PSD3: variants seen among roughly 807,000 people sequenced by gnomAD.
PSD3 encodes the protein pleckstrin and Sec7 domain containing 3, also known as PH and SEC7 domain-containing protein 3.
Under a neutral mutation model 105.5 loss-of-function variants are expected in PSD3, and 49 were observed. The ratio of observed to expected loss-of-function variants is 0.46; its 90% CI spans 0.37 to 0.59. The LOEUF (loss-of-function observed/expected upper bound fraction) is 0.59, where lower values mean the gene tolerates loss of function less well. Ranked by LOEUF, PSD3 falls within the 20% of genes least tolerant of loss-of-function variation. The pLI, the probability that PSD3 is intolerant of heterozygous loss-of-function variation, is 0.00. For synonymous variants in PSD3, 557 were observed against 457.8 expected, an observed-to-expected ratio of 1.22 and a Z score of -2.77; for missense variants, 1,561 against 1,263.8, an observed-to-expected ratio of 1.24 and a Z score of -3.57.
chr8:18,659,067 G>T (rs1230997053), intron 9 of PSD3, among the ~76,000 whole-genome samples: 1 of 152,184 alleles, frequency 6.6e-6, no homozygotes, highest in Admixed American at 6.5e-5. Flanking sequence ...TGCGTGGCTA[G>T]GAGAAAGTTC....
chr8:18,797,570 G>T (rs1810299313), intron 8 of PSD3, among the ~76,000 whole-genome samples: 1 of 152,118 alleles, frequency 6.6e-6, no homozygotes, highest in Non-Finnish European at 1.5e-5. Context: ...CATCAAGCAT[G>T]CTGAGATATC....
At chr8:18,685,880 G>A (rs1487764) in intron 9 of PSD3, among the ~76,000 whole-genome samples, 2,365 of 152,210 alleles carry the variant, frequency 0.016, 51 homozygotes, top group East Asian at 0.04. Flanking sequence ...TAAAAGACAT[G>A]AGCGCCTGCC....
intron 1 of PSD3, among the ~76,000 whole-genome samples, chr8:18,967,826 G>A (rs1238494705): frequency 1.3e-5 from 2 of 152,158 alleles, no homozygotes; most frequent in East Asian, 1.9e-4. Context: ...AGGAAAATCA[G>A]GTGACGGAAG....
chr8:18,993,689 T>C (rs1466016744), intron 1 of PSD3, among the ~76,000 whole-genome samples: 1 of 152,150 alleles, frequency 6.6e-6, no homozygotes, highest in South Asian at 2.1e-4. Context: ...TTAGCTGTTT[T>C]TCCCCACATC....
At chr8:18,864,476 C>G (rs375252627) in intron 4 of PSD3, among the ~76,000 whole-genome samples, 1 of 152,190 alleles carries the variant, frequency 6.6e-6, no homozygotes, top group Non-Finnish European at 1.5e-5. Flanking sequence ...ATATTTTTTA[C>G]AAGCTAGCGA....
intron 4 of PSD3, among the ~76,000 whole-genome samples, chr8:18,841,535 C>T (rs748235345): frequency 2.6e-5 from 4 of 151,914 alleles, no homozygotes; most frequent in Non-Finnish European, 4.4e-5. Flanking sequence ...AGAGAGCAGA[C>T]GGGGCTCTCT....
At chr8:18,953,826 A>C (rs890051170) in intron 1 of PSD3, among the ~76,000 whole-genome samples, 2 of 152,212 alleles carry the variant, frequency 1.3e-5, no homozygotes, top group African/African-American at 2.4e-5. Flanking sequence ...AACATGAGGT[A>C]AACTCGCATA....
intron 11 of PSD3, among the ~76,000 whole-genome samples, chr8:18,613,619 A>G (rs1563379014): frequency 3.3e-5 from 5 of 152,168 alleles, no homozygotes; most frequent in Admixed American, 1.3e-4. Context: ...CTCTATGGCT[A>G]GAATGTTCCT....
chr8:18,531,374 A>G lies in PSD3; in HGVS notation c.*4369T>C, dbSNP rs1233790025. 6.6e-6 allele frequency: 1 copy of G among 152,660 alleles called. No individual in the cohort carries two copies. The highest frequency in any genetic ancestry group is 1.5e-5 in the Non-Finnish European group (1 of 68,050). 9.5% of individuals were successfully genotyped at this position (152,660 alleles called of 1,614,324 possible). A position where few individuals can be genotyped will look rare whatever the true frequency, so the allele number is the denominator to read the frequency against. ...AAGGCTGCCCACGTGGGTTCTGGAT[A>G]CTGTAGGTACAAAAGGAGAATGCCT... On this transcript the variant is annotated 3_prime_UTR_variant, in exon 16 of 16. Transcript: ENST00000327040.
chr8:18,745,547 G>C (rs912037600), intron 9 of PSD3, among the ~76,000 whole-genome samples: 2 of 152,046 alleles, frequency 1.3e-5, no homozygotes, highest in Admixed American at 6.6e-5. Flanking sequence ...AGATGTTCTA[G>C]GCTCATTTTA....
chr8:18,990,460 A>G (rs1355035379), intron 1 of PSD3, among the ~76,000 whole-genome samples: 2 of 152,142 alleles, frequency 1.3e-5, no homozygotes, highest in Non-Finnish European at 2.9e-5. Context: ...TGTACGGCAT[A>G]TGCTTCCTCT....
At chr8:18,936,639 T>A (rs914537645) in intron 1 of PSD3, among the ~76,000 whole-genome samples, 5 of 151,824 alleles carry the variant, frequency 3.3e-5, no homozygotes, top group Admixed American at 3.3e-4. Context: ...GTTCCTGTAA[T>A]CTCAGCTACT....
chr8:18,862,236 G>A (rs1045919712), intron 4 of PSD3, among the ~76,000 whole-genome samples: 1 of 151,364 alleles, frequency 6.6e-6, no homozygotes, highest in East Asian at 1.9e-4. Flanking sequence ...TTCATTTTAC[G>A]CTTGCAGAGG....
In PSD3 at chr8:19,069,231, G is replaced by T. The variant is rs116406750; in HGVS notation, c.324+14975C>A. On this transcript the variant is annotated intron_variant, in intron 1 of 1. Coordinates refer to the PSD3 transcript ENST00000521475. ...TGCAGTTTCAAAGAATGACACAGGG[G>T]AGTTTTAAAATCTAATATAACAATA... is the stretch of plus-strand genomic sequence containing the variant. 2.2e-3 allele frequency among the ~76,000 whole-genome samples: 328 copies of T among 152,278 alleles called. 4 individuals carry two copies. Among genetic ancestry groups the T allele is most frequent in the African/African-American group, 6.7e-3 (279 of 41,542 alleles).
intron 8 of PSD3, among the ~76,000 whole-genome samples, chr8:18,790,822 G>C (rs937647408): frequency 2.0e-5 from 3 of 150,766 alleles, no homozygotes; most frequent in African/African-American, 7.3e-5. Flanking sequence ...GAAGCTCCAA[G>C]TCAGGTAAAA....
chr8:18,959,191 G>C (rs1396100226), intron 1 of PSD3, among the ~76,000 whole-genome samples: 1 of 152,198 alleles, frequency 6.6e-6, no homozygotes, highest in African/African-American at 2.4e-5. Context: ...AAAGTGCTGG[G>C]ATTACGGGCG....
intron 12 of PSD3, among the ~76,000 whole-genome samples, chr8:18,583,931 C>T (rs572912054): frequency 6.6e-6 from 1 of 152,262 alleles, no homozygotes; most frequent in South Asian, 2.1e-4. Flanking sequence ...TATTGACTTG[C>T]TTCCTAGGTA....
intron 9 of PSD3, among the ~76,000 whole-genome samples, chr8:18,721,557 G>T (rs577016695): frequency 6.6e-6 from 1 of 152,286 alleles, no homozygotes; most frequent in East Asian, 1.9e-4. Context: ...CATGAGGAAG[G>T]TGATATTGTA....
chr8:18,616,646 C>T (rs56022262), intron 11 of PSD3, among the ~76,000 whole-genome samples: 35,867 of 75,812 alleles, frequency 0.47, 5,807 homozygotes, highest in Non-Finnish European at 0.56. Context: ...TTTTTTGAGA[C>T]GGAGTCTCGC....
Sources: allele counts gnomAD v4.1 joint callset (sites outside exome capture counted in the v4.1 genomes callset), GRCh38; gene constraint gnomAD v4.1.1; transcripts MANE v1.5; gene names NCBI Gene and HGNC (gene_info 2026-07-23, HGNC 2026-07-21).